The following COL6A3 variants were observed in gnomAD, a reference collection of about 807,000 sequenced individuals.
The protein encoded by COL6A3 is collagen type VI alpha 3 chain, also known as collagen alpha-3(VI) chain.
Under a neutral mutation model 274.1 loss-of-function variants are expected in COL6A3, and 137 were observed. That is an observed-to-expected ratio of 0.50 (90% CI 0.44 to 0.58). The LOEUF (loss-of-function observed/expected upper bound fraction) is 0.58. Among genes scored for constraint, COL6A3 ranks in the 20% least tolerant of loss-of-function variants. COL6A3 has a pLI of 0.00. For synonymous variants in COL6A3, 1,650 were observed against 1,650.6 expected (o/e 1.00, Z 0.01); for missense variants, 3,950 against 4,124.9 (o/e 0.96, Z 1.16).
chr2:237,373,594 C>T (rs2077749925), intron 8 of COL6A3, among the ~76,000 whole-genome samples: 1 of 152,168 alleles, frequency 6.6e-6, no homozygotes, highest in Non-Finnish European at 1.5e-5. Context: ...TGCTTTTACT[C>T]CTTCCTCCGC....
At chr2:237,410,041 G>A (rs1321096127) in intron 1 of COL6A3, among the ~76,000 whole-genome samples, 1 of 152,090 alleles carries the variant, frequency 6.6e-6, no homozygotes, top group South Asian at 2.1e-4. Context: ...GTACACTTCC[G>A]TTATTATGAA....
Position 237,336,051 on chromosome 2 carries a change from G to A in COL6A3, c.8965+84C>T. 6 of 1,530,958 alleles carry A rather than the reference G, an allele frequency of 3.9e-6. No homozygotes were observed. In the East Asian group the frequency reaches 6.8e-5, roughly 17 times the overall value. 94.8% of individuals were successfully genotyped at this position (1,530,958 alleles called of 1,614,324 possible). ...AGATCAAGGACTGTATTCTGAGTGT[G>A]TTACATGCAGGCTTTGAGGAACACA... On this transcript the variant is annotated intron_variant, in intron 40 of 43. Transcript: ENST00000295550.
At position 237,333,533 on chromosome 2, in the gene COL6A3, G is replaced by A. The variant is rs182976977; in HGVS notation, c.9245C>T (p.Pro3082Leu). ...AGCTGACCTTGCTGGCTGTGGAGGT[G>A]GGGGCTGAGATTTCTCTATAAAAGA... is the stretch of plus-strand genomic sequence containing the variant. Reference protein sequence around the residue: ...GSFSTKKSQPPPPQPARSASS... With the variant: ...GSFSTKKSQPLPPQPARSASS... The change falls in exon 42 of 44, where the codon CCA becomes CTA. Residue 3082 changes from proline (P) to leucine (L), a missense_variant. This residue lies in a region of COL6A3 where 1,284 missense variants were observed against 1,349.7 expected (regional missense o/e 0.95). Coordinates refer to ENST00000295550, the MANE Select transcript of COL6A3 (RefSeq NM_004369.4). 3 of 1,614,150 alleles carry A rather than the reference G, an allele frequency of 1.9e-6. No individual in the cohort carries two copies. The Admixed American group carries it at 5.0e-5, about 27-fold the overall frequency.
At chr2:237,369,495 T>A (rs898896332) in intron 9 of COL6A3, among the ~76,000 whole-genome samples, 1 of 152,250 alleles carries the variant, frequency 6.6e-6, no homozygotes, top group Admixed American at 6.5e-5. Context: ...AATCTTGGGC[T>A]ACCGTAATCT....
rs1439402541 is a variant in COL6A3, at chr2:237,367,113, A to T, written c.5074T>A (p.Phe1692Ile). ...QYNSDPTDEFFLKDFSTKRQI... is the reference protein window; with the variant it reads ...QYNSDPTDEFILKDFSTKRQI... ...CTCTTGGTAGAGAAGTCCTTCAGGA[A>T]GAATTCGTCAGTGGGGTCAGAGTTG... Residue 1692 changes from phenylalanine (F) to isoleucine (I), a missense_variant, in exon 11 of 44, where the codon TTC becomes ATC. Coordinates refer to ENST00000295550, the MANE Select transcript of COL6A3 (RefSeq NM_004369.4). The T allele has an allele frequency of 1.9e-6, 3 of 1,614,252 alleles. No individual in the cohort carries two copies. In the South Asian group the frequency reaches 3.3e-5, roughly 18 times the overall value.
At position 237,368,737 on chromosome 2, in the gene COL6A3, G is replaced by A. The variant is rs773979979; in HGVS notation, c.4726C>T (p.Arg1576Trp). 2.2e-5 allele frequency: 35 copies of A among 1,614,006 alleles called. No homozygotes were observed. Among genetic ancestry groups the A allele is most frequent in the South Asian group, 6.6e-5 (6 of 91,080 alleles). The change falls in exon 10 of 44, where the codon CGG (arginine) becomes TGG (tryptophan). Residue 1576 changes from arginine (R) to tryptophan (W), a missense_variant. Coordinates refer to ENST00000295550, the MANE Select transcript of COL6A3 (RefSeq NM_004369.4). The surrounding 1 kb of genome is among the most constrained non-coding windows in gnomAD (Gnocchi z 4.4). ...TGCAGCTCTGTTCTGTCGATGTTCCGGTCTCCTACCCCTAAACTCACAATG... is the reference window on the plus strand; with the variant it reads ...TGCAGCTCTGTTCTGTCGATGTTCCAGTCTCCTACCCCTAAACTCACAATG... ...SGIVSLGVGD[R>W]NIDRTELQTI...
Position 237,360,118 on chromosome 2 carries a change from G to A in COL6A3, c.6252C>T (p.Phe2084=). The part of the protein sequence containing the change: ...GPPGVNGTQG[F]QGCPGQRGVK... ...CTCCTCTCTGGCCCGGGCAGCCCTGGAAACCTTGAGTGCCGTTCACACCAG... is the reference window on the plus strand; with the variant it reads ...CTCCTCTCTGGCCCGGGCAGCCCTGAAAACCTTGAGTGCCGTTCACACCAG... Residue 2084 remains phenylalanine, a synonymous_variant, in exon 17 of 44, where the codon TTC becomes TTT. Coordinates refer to ENST00000295550, the MANE Select transcript of COL6A3 (RefSeq NM_004369.4). The A allele has an allele frequency of 6.2e-7, 1 of 1,614,074 alleles. No homozygotes were observed. Among genetic ancestry groups the A allele is most frequent in the African/African-American group, 1.3e-5 (1 of 75,006 alleles).
chr2:237,338,972 C>G, intron 39 of COL6A3, 43 bp downstream of exon 39: 1 of 1,521,040 alleles, frequency 6.6e-7, no homozygotes, highest in Admixed American at 1.7e-5. Context: ...TGTGCATTCC[C>G]TGCAGCGCTA....
intron 24 of COL6A3, 145 bp downstream of exon 24, chr2:237,354,754 A>T: frequency 1.4e-6 from 1 of 698,312 alleles, no homozygotes; most frequent in Non-Finnish European, 2.4e-6. Context: ...GCATGTCTTT[A>T]ACCTTGGCGA....
At chr2:237,400,684 TTAAGGAAGAATTAACAC>T (rs929100652) in intron 1 of COL6A3, among the ~76,000 whole-genome samples, 3 of 151,312 alleles carry the variant, frequency 2.0e-5, no homozygotes, top group Non-Finnish European at 4.4e-5. Flanking sequence ...TTCCAAACAC[TTAAGGAAGAATTAACAC>T]TAATCCTTCT....
chr2:237,358,698 T>C (rs2077371288), intron 20 of COL6A3, 115 bp from the exon 21 acceptor site: 1 of 1,016,714 alleles, frequency 9.8e-7, no homozygotes, highest in African/African-American at 1.6e-5. Context: ...TACAATTTAC[T>C]CATTCACCAT....
chr2:237,337,847 G>A (rs746298602), intron 39 of COL6A3, among the ~76,000 whole-genome samples: 21 of 151,602 alleles, frequency 1.4e-4, no homozygotes, highest in African/African-American at 2.9e-4. Flanking sequence ...CAGCAGCATC[G>A]GCATGGGTGC....
At position 237,364,791 on chromosome 2, in the gene COL6A3, CATT is replaced by C. The variant is rs1384806155; in HGVS notation, c.5839-366_5839-364del. ...GGGTACATATGTGTGTGTATGGGTGCATTGTGTGTGCATGTGTGTGCACGTGTG... is the reference window on the plus strand; with the variant it reads ...GGGTACATATGTGTGTGTATGGGTGCGTGTGTGCATGTGTGTGCACGTGTG... On this transcript the variant is annotated intron_variant, in intron 12 of 43. Transcript: ENST00000295550. This position sits in a 1 kb window ranked among gnomAD's most constrained non-coding sequence, Gnocchi z 4.6. 6.9e-6 allele frequency among the ~76,000 whole-genome samples: 1 copy of C among 144,254 alleles called. No homozygotes were observed. Among genetic ancestry groups the C allele is most frequent in the Non-Finnish European group, 1.5e-5 (1 of 65,440 alleles). 94.6% of individuals were successfully genotyped at this position (144,254 alleles called of 152,430 possible).
Position 237,396,857 on chromosome 2 carries a change from A to G in COL6A3, c.-30-10T>C. The G allele has an allele frequency of 6.3e-7, 1 of 1,576,886 alleles. No individual in the cohort carries two copies. Among genetic ancestry groups the G allele is most frequent in the Non-Finnish European group, 8.7e-7 (1 of 1,146,566 alleles). ...AGCACCAAATATGAACCTAAAAGAGAAAACAGGGCAAAGGGAATGATCAGT... is the reference window on the plus strand; with the variant it reads ...AGCACCAAATATGAACCTAAAAGAGGAAACAGGGCAAAGGGAATGATCAGT... On this transcript the variant is annotated splice_polypyrimidine_tract_variant and intron_variant, in intron 1 of 43. Transcript: ENST00000295550.
chr2:237,366,711 G>A lies in COL6A3; in HGVS notation c.5476C>T (p.Pro1826Ser). The A allele has an allele frequency of 1.2e-6, 2 of 1,614,234 alleles. No individual in the cohort carries two copies. The highest frequency in any genetic ancestry group is 8.5e-7 in the Non-Finnish European group (1 of 1,180,046). Residue 1826 changes from proline to serine, a missense_variant, in exon 11 of 44, where the codon CCT becomes TCT. Pro to Ser is a moderately conservative substitution (Grantham distance 74, BLOSUM62 -1). This residue lies in a region of COL6A3 where 632 missense variants were observed against 623.4 expected (regional missense o/e 1.01). Coordinates refer to ENST00000295550, the MANE Select transcript of COL6A3 (RefSeq NM_004369.4). Reference protein sequence around the residue: ...LHDAMHETLCPGVTDAAKACN... With the variant: ...LHDAMHETLCSGVTDAAKACN... Reference sequence around the variant, plus strand: ...CCTTTGGCAGCATCAGTTACACCAGGGCAAAGGGTTTCATGCATCGCATCA... The same window carrying A: ...CCTTTGGCAGCATCAGTTACACCAGAGCAAAGGGTTTCATGCATCGCATCA...
chr2:237,392,681 T>C (rs997770434), intron 3 of COL6A3, among the ~76,000 whole-genome samples: 1 of 152,244 alleles, frequency 6.6e-6, no homozygotes, highest in East Asian at 1.9e-4. Flanking sequence ...CACTTCCTCA[T>C]GCCTACTAAA....
rs376669972 is a variant in COL6A3, at chr2:237,381,502, G to A, written c.1313-3C>T. On this transcript the variant is annotated splice_polypyrimidine_tract_variant and splice_region_variant and intron_variant, in intron 4 of 43. Coordinates refer to ENST00000295550, the MANE Select transcript of COL6A3 (RefSeq NM_004369.4). ...GTCTCTCTTGTTGACTTCAATGACT[G>A]TAGGTGGCAACATTATAAGGCAATT... 2.5e-6 allele frequency: 4 copies of A among 1,598,094 alleles called. No individual in the cohort carries two copies. Among genetic ancestry groups the A allele is most frequent in the Non-Finnish European group, 3.4e-6 (4 of 1,177,448 alleles).
intron 42 of COL6A3, chr2:237,326,232 A>T (rs1448397217): frequency 6.7e-6 from 1 of 149,786 alleles, no homozygotes; most frequent in Admixed American, 6.5e-5. Context: ...GCAGAAAAGA[A>T]AATCCTTTAT....
At chr2:237,334,958 A>G in intron 40 of COL6A3, 69 bp from the exon 41 acceptor site, 1 of 1,578,354 alleles carries the variant, frequency 6.3e-7, no homozygotes, top group East Asian at 2.2e-5. Context: ...TGAGCGAGAG[A>G]GGAAATCTGA....
Sources: allele counts gnomAD v4.1 joint callset (sites outside exome capture counted in the v4.1 genomes callset), GRCh38; gene constraint gnomAD v4.1.1; regional missense constraint gnomAD v4.1.1; non-coding constraint Gnocchi (gnomAD v3.1); transcripts MANE v1.5; gene names NCBI Gene and HGNC (gene_info 2026-07-23, HGNC 2026-07-21).